The following SLC22A8 variants were observed in gnomAD, a reference collection of about 807,000 sequenced individuals.
SLC22A8 encodes the protein organic anion transporter 3.
In SLC22A8, 40 loss-of-function variants were observed where a neutral mutation model predicts 48.4. The ratio of observed to expected loss-of-function variants is 0.83; its 90% CI spans 0.64 to 1.08. SLC22A8 has a LOEUF of 1.08. SLC22A8 is among the 50% of genes least tolerant of loss of function. The probability of loss-of-function intolerance (pLI) is 0.00; values close to 1 mark genes in which losing one functional copy is unlikely to be tolerated. For missense variants in SLC22A8, 606 were observed against 699.0 expected, an observed-to-expected ratio of 0.87 and a Z score of 1.50; for synonymous variants, 268 against 286.3, an observed-to-expected ratio of 0.94 and a Z score of 0.65.
chr11:63,006,334 C>T (rs970729617), intron 2 of SLC22A8, among the ~76,000 whole-genome samples: 5 of 152,114 alleles, frequency 3.3e-5, no homozygotes, highest in Admixed American at 3.3e-4. Context: ...TCCTTTGAAA[C>T]TCATGTCAAT....
At chr11:63,002,047 A>G (rs964032785) in intron 2 of SLC22A8, among the ~76,000 whole-genome samples, 4 of 152,052 alleles carry the variant, frequency 2.6e-5, no homozygotes, top group Admixed American at 1.3e-4. Flanking sequence ...AGTAACTGGG[A>G]CTACAGGTGT....
In SLC22A8 at chr11:62,993,138, C is replaced by A; in HGVS notation, c.*99G>T. ...CCTTCACCAAGCTCTCAGAAGGCTT[C>A]ATCCTAGGAGGATGGACCTATATGG... On this transcript the variant is annotated 3_prime_UTR_variant, in exon 11 of 11. Coordinates refer to ENST00000336232, the MANE Select transcript of SLC22A8 (RefSeq NM_004254.4). 1.2e-6 allele frequency: 1 copy of A among 842,420 alleles called. No homozygotes were observed. The highest frequency in any genetic ancestry group is 1.9e-6 in the Non-Finnish European group (1 of 539,102). The allele number at this position is 842,420 out of a possible 1,614,324, so 52.2% of individuals were successfully genotyped here.
At chr11:62,999,931 A>G (rs1228832943) in intron 3 of SLC22A8, 89 bp from the exon 4 acceptor site, 4 of 1,151,220 alleles carry the variant, frequency 3.5e-6, no homozygotes, top group Non-Finnish European at 3.5e-6. Context: ...AAAGGGCTGA[A>G]TCCGACCCCC....
chr11:62,995,419 G>C, intron 7 of SLC22A8: 2 of 489,128 alleles, frequency 4.1e-6, no homozygotes, highest in South Asian at 2.6e-5. Context: ...TGGGGACACT[G>C]AGCGGCAGGG....
At chr11:62,999,588 T>C in intron 4 of SLC22A8, 100 bp downstream of exon 4, 1 of 1,040,302 alleles carries the variant, frequency 9.6e-7, no homozygotes, top group South Asian at 2.2e-5. Flanking sequence ...TTGACCAAGG[T>C]CACAGGGAGC....
intron 5 of SLC22A8, among the ~76,000 whole-genome samples, chr11:62,998,082 G>A (rs1401567783): frequency 6.6e-6 from 1 of 152,130 alleles, no homozygotes; most frequent in East Asian, 1.9e-4. Context: ...CTCCTGAGTA[G>A]CTGGGATTAC....
intron 8 of SLC22A8, 24 bp from the exon 9 acceptor site, chr11:62,993,902 G>A (rs1463871113): frequency 2.1e-6 from 3 of 1,454,756 alleles, no homozygotes; most frequent in African/African-American, 2.8e-5. Flanking sequence ...AAAATGTGGT[G>A]GGCCTTGGAG....
intron 7 of SLC22A8, chr11:62,994,982 T>C: frequency 5.2e-6 from 3 of 579,704 alleles, no homozygotes; most frequent in Non-Finnish European, 9.3e-6. Context: ...TGGTCCAGGG[T>C]GTGGTGGCAA....
At chr11:62,994,201 AGTAG>A in intron 8 of SLC22A8, 1 of 520,796 alleles carries the variant, frequency 1.9e-6, no homozygotes, top group Non-Finnish European at 3.4e-6. Context: ...GTCATGATGG[AGTAG>A]GTTGTGGGGT....
At chr11:63,005,772 C>T (rs2086547254) in intron 2 of SLC22A8, among the ~76,000 whole-genome samples, 1 of 152,118 alleles carries the variant, frequency 6.6e-6, no homozygotes, top group African/African-American at 2.4e-5. Flanking sequence ...AGGATTCTTC[C>T]CTAGAGCCTT....
chr11:62,993,574 G>A lies in SLC22A8; in HGVS notation c.1379C>T (p.Ser460Phe). ...NLWTRVGSMV[S>F]PLVKITGEVQ... The stretch of plus-strand genomic sequence containing the variant: ...CTCACCCGTGATTTTCACCAGCGGG[G>A]ACACCATGCTTCCCACGCGGGTCCA... The change falls in exon 10 of 11, where the codon TCC becomes TTC. Residue 460 changes from serine (S) to phenylalanine (F), a missense_variant. By Grantham distance (155) the Ser-to-Phe change is radical. Transcript: ENST00000336232. 5 of 1,613,740 alleles carry A rather than the reference G, an allele frequency of 3.1e-6. No homozygotes were observed. The highest frequency in any genetic ancestry group is 2.7e-5 in the African/African-American group (2 of 75,034).
At position 62,995,659 on chromosome 11, in the gene SLC22A8, A is replaced by G. The variant is rs774898917; in HGVS notation, c.1001+45T>C. 7 of 1,427,214 alleles carry G rather than the reference A, an allele frequency of 4.9e-6. No individual in the cohort carries two copies. In the South Asian group the frequency reaches 5.7e-5, roughly 12 times the overall value. 88.4% of individuals were successfully genotyped at this position (1,427,214 alleles called of 1,614,324 possible). A position where few individuals can be genotyped will look rare whatever the true frequency, so the allele number is the denominator to read the frequency against. ...AGTGAGCCTACTGGAGGCCTTGTCTATCACCCCTTCCTTGGCAGGGTGTGG... is the reference window on the plus strand; with the variant it reads ...AGTGAGCCTACTGGAGGCCTTGTCTGTCACCCCTTCCTTGGCAGGGTGTGG... On this transcript the variant is annotated intron_variant, in intron 7 of 10. Transcript: ENST00000336232.
intron 2 of SLC22A8, among the ~76,000 whole-genome samples, chr11:63,009,542 G>A (rs996107810): frequency 4.6e-5 from 7 of 152,200 alleles, no homozygotes; most frequent in East Asian, 1.9e-4. Flanking sequence ...TATGGGGTAC[G>A]TGCCTCTCCA....
intron 8 of SLC22A8, 103 bp downstream of exon 8, chr11:62,994,439 T>C: frequency 3.6e-6 from 3 of 837,848 alleles, no homozygotes; most frequent in South Asian, 3.1e-5. Context: ...AGGGACCTGC[T>C]CAAGGTAACA....
rs1438395735 is a variant in SLC22A8, at chr11:62,994,574, C to A, written c.1184G>T (p.Gly395Val). The A allele has an allele frequency of 5.6e-6, 9 of 1,612,728 alleles. No homozygotes were observed. The Admixed American group carries it at 1.3e-4, about 24-fold the overall frequency. The change falls in exon 8 of 11, where the codon GGG (glycine) becomes GTG (valine). Residue 395 changes from glycine to valine, a missense_variant. Gly to Val is a moderately radical substitution (Grantham distance 109, BLOSUM62 -3). Coordinates refer to ENST00000336232, the MANE Select transcript of SLC22A8 (RefSeq NM_004254.4). Reference protein sequence around the residue: ...TQAAALLLAGGAILALTFVPL... With the variant: ...TQAAALLLAGVAILALTFVPL... The stretch of plus-strand genomic sequence containing the variant: ...CACAAAGGTGAGAGCCAAGATGGCC[C>A]CTCCTGCCAGGAGCAGGGCAGCGGC...
In SLC22A8 at chr11:63,014,812, A is replaced by T. The variant is rs1160637590; in HGVS notation, c.147T>A (p.Cys49Ter). The change falls in exon 2 of 11, where the codon TGT (cysteine) becomes TGA (stop). Residue 49 changes from cysteine (C) to a stop codon, truncating the protein, a stop_gained. Transcript: ENST00000336232. LOFTEE classifies it high-confidence loss of function. Reference sequence around the variant, plus strand: ...CTGTGGAGGCATTGTGGGGCGGGCGACAGTGGTGGACAGGGGTGGCGGCTG... The same window carrying T: ...CTGTGGAGGCATTGTGGGGCGGGCGTCAGTGGTGGACAGGGGTGGCGGCTG... ...IFTAATPVHH[C>*]RPPHNASTGP... is the part of the protein sequence containing the mutation. 6.2e-7 allele frequency: 1 copy of T among 1,612,760 alleles called. No homozygotes were observed. Among genetic ancestry groups the T allele is most frequent in the Admixed American group, 1.7e-5 (1 of 59,962 alleles).
intron 5 of SLC22A8, among the ~76,000 whole-genome samples, chr11:62,996,832 A>T (rs1356679530): frequency 6.6e-6 from 1 of 152,242 alleles, no homozygotes; most frequent in Non-Finnish European, 1.5e-5. Flanking sequence ...GGAAAGGAAG[A>T]GGTTGAGATG....
chr11:63,005,876 T>A (rs2086548473), intron 2 of SLC22A8, among the ~76,000 whole-genome samples: 1 of 152,174 alleles, frequency 6.6e-6, no homozygotes, highest in Non-Finnish European at 1.5e-5. Flanking sequence ...CAATTTGTTG[T>A]GCTTTGTTAT....
chr11:63,003,418 G>A (rs377353263), intron 2 of SLC22A8, among the ~76,000 whole-genome samples: 6 of 152,228 alleles, frequency 3.9e-5, no homozygotes, highest in South Asian at 4.2e-4. Flanking sequence ...CTGGTGGTCC[G>A]TTTTAGTTGG....
Sources: gnomAD v4.1 joint callset for allele counts (sites outside exome capture counted in the v4.1 genomes callset) on GRCh38, gnomAD v4.1.1 for gene constraint, MANE v1.5 for transcripts, NCBI Gene and HGNC (gene_info 2026-07-23, HGNC 2026-07-21) for gene names.